Variants in PTPRD observed in about 807,000 individuals in gnomAD.
PTPRD encodes the protein receptor-type tyrosine-protein phosphatase delta.
Under a neutral mutation model 214.5 loss-of-function variants are expected in PTPRD, and 34 were observed. The observed-to-expected ratio is 0.16, with a 90% CI of 0.12 to 0.21. The LOEUF (loss-of-function observed/expected upper bound fraction) is 0.21, where lower values mean the gene tolerates loss of function less well. Among genes scored for constraint, PTPRD ranks in the 10% least tolerant of loss-of-function variants. PTPRD has a pLI of 1.00. For missense variants in PTPRD, 2,545 were observed against 2,398.7 expected (o/e 1.06, Z -1.27); for synonymous variants, 1,128 against 845.7 (o/e 1.33, Z -5.79).
At chr9:9,766,746 T>C (rs2098709810) in intron 6 of PTPRD, 64 bp downstream of exon 6, 1 of 152,474 alleles carries the variant, frequency 6.6e-6, no homozygotes, top group Non-Finnish European at 1.5e-5. Context: ...AATATAATTA[T>C]TGTCATAATA....
At chr9:8,717,288 A>T (rs2098447447) in intron 12 of PTPRD, among the ~76,000 whole-genome samples, 1 of 152,148 alleles carries the variant, frequency 6.6e-6, no homozygotes, top group Non-Finnish European at 1.5e-5. Flanking sequence ...GAAATACACA[A>T]AGTGTATCCT....
chr9:8,347,897 T>C (rs903849237), intron 39 of PTPRD, among the ~76,000 whole-genome samples: 1 of 152,182 alleles, frequency 6.6e-6, no homozygotes, highest in Admixed American at 6.5e-5. Context: ...TCCAGCATCC[T>C]GAATGGTGAG....
chr9:9,374,649 C>T (rs1261668526), intron 9 of PTPRD, among the ~76,000 whole-genome samples: 1 of 152,134 alleles, frequency 6.6e-6, no homozygotes, highest in African/African-American at 2.4e-5. Context: ...GGTTAAAACC[C>T]TCAATACGTT....
At chr9:9,779,019 A>C (rs560766064) in intron 5 of PTPRD, among the ~76,000 whole-genome samples, 1 of 149,630 alleles carries the variant, frequency 6.7e-6, no homozygotes, top group Non-Finnish European at 1.5e-5. Context: ...AGACCAGTGA[A>C]ACAGAATAGA....
intron 10 of PTPRD, among the ~76,000 whole-genome samples, chr9:9,039,751 A>G (rs2099633474): frequency 1.3e-5 from 2 of 152,182 alleles, no homozygotes; most frequent in Non-Finnish European, 2.9e-5. Context: ...TCCTGAGAAT[A>G]TTTTGTACTG....
intron 2 of PTPRD, among the ~76,000 whole-genome samples, chr9:10,354,691 G>A (rs1026184461): frequency 6.6e-6 from 1 of 152,076 alleles, no homozygotes; most frequent in East Asian, 1.9e-4. Context: ...GATTATATGA[G>A]GACACTGATG....
intron 9 of PTPRD, among the ~76,000 whole-genome samples, chr9:9,286,944 G>T (rs117824057): frequency 0.098 from 10,936 of 111,752 alleles, 844 homozygotes; most frequent in Middle Eastern, 0.2. Flanking sequence ...ATTTGTCTTT[G>T]GCTGGGCATA....
intron 37 of PTPRD, among the ~76,000 whole-genome samples, chr9:8,378,348 G>A (rs949692054): frequency 6.6e-6 from 1 of 151,902 alleles, no homozygotes; most frequent in African/African-American, 2.4e-5. Context: ...TAAAACCCAG[G>A]TCACAGATGA....
chr9:8,412,435 T>C (rs377007423), intron 35 of PTPRD, among the ~76,000 whole-genome samples: 1 of 152,176 alleles, frequency 6.6e-6, no homozygotes, highest in Admixed American at 6.6e-5. Context: ...AATTCACAGC[T>C]GCATCCTTTC....
At chr9:9,594,440 G>A (rs2093076809) in intron 7 of PTPRD, among the ~76,000 whole-genome samples, 1 of 151,990 alleles carries the variant, frequency 6.6e-6, no homozygotes, top group Non-Finnish European at 1.5e-5. Flanking sequence ...ATCTTGAGTT[G>A]ATTTTTGCAT....
chr9:10,310,236 A>G (rs531911003), intron 3 of PTPRD, among the ~76,000 whole-genome samples: 1 of 152,222 alleles, frequency 6.6e-6, no homozygotes, highest in African/African-American at 2.4e-5. Context: ...ATGAGGAGAA[A>G]TGTATGTAGC....
chr9:10,347,409 CTT>C (rs201173966), intron 2 of PTPRD, among the ~76,000 whole-genome samples: 13 of 127,876 alleles, frequency 1.0e-4, no homozygotes, highest in Admixed American at 1.6e-4. Flanking sequence ...AGCTATTTGT[CTT>C]TTTTTTTTTT....
At chr9:9,928,394 C>T (rs962543583) in intron 5 of PTPRD, among the ~76,000 whole-genome samples, 33 of 152,080 alleles carry the variant, frequency 2.2e-4, no homozygotes, top group Admixed American at 2.0e-3. Flanking sequence ...ACTGAATTCC[C>T]TTTGTTATCA....
intron 10 of PTPRD, among the ~76,000 whole-genome samples, chr9:9,178,758 T>C (rs78841146): frequency 0.024 from 3,590 of 152,196 alleles, 163 homozygotes; most frequent in African/African-American, 0.083. Context: ...ATGCTGTATA[T>C]ATAGTATAAA....
chr9:8,388,886 C>A (rs1376606217), intron 37 of PTPRD, among the ~76,000 whole-genome samples: 1 of 152,082 alleles, frequency 6.6e-6, no homozygotes, highest in Non-Finnish European at 1.5e-5. Flanking sequence ...GGGATTCTCC[C>A]CAAAGCCCGT....
chr9:8,521,298 T>C lies in PTPRD; in HGVS notation c.940A>G (p.Ile314Val), dbSNP rs1173876390. The stretch of plus-strand genomic sequence containing the variant: ...ATACCTTTGACAGTGATCTGTGCTA[T>C]TGCTTCAATGACACCCAGTGTTGAC... ...AMSTLGVIEA[I>V]AQITVKALPK... is the part of the protein sequence containing the mutation. The change falls in exon 20 of 46, where the codon ATA becomes GTA. Residue 314 changes from isoleucine (I) to valine (V), a missense_variant. By Grantham distance (29) the Ile-to-Val change is conservative. Transcript: ENST00000381196. 6.2e-6 allele frequency: 10 copies of C among 1,613,566 alleles called. No individual in the cohort carries two copies. The highest frequency in any genetic ancestry group is 1.6e-4 in the Middle Eastern group (1 of 6,074).
intron 10 of PTPRD, among the ~76,000 whole-genome samples, chr9:9,041,107 T>C (rs1590315421): frequency 3.9e-5 from 6 of 152,160 alleles, no homozygotes; most frequent in Admixed American, 3.9e-4. Flanking sequence ...TATTTGCTGA[T>C]GTATTATATT....
At chr9:9,603,536 G>A (rs1288003641) in intron 7 of PTPRD, among the ~76,000 whole-genome samples, 2 of 152,138 alleles carry the variant, frequency 1.3e-5, no homozygotes, top group Non-Finnish European at 1.5e-5. Flanking sequence ...TGAGCAGCAG[G>A]CAAGCAAGCA....
At chr9:8,794,043 G>T (rs961541054) in intron 11 of PTPRD, among the ~76,000 whole-genome samples, 4 of 152,192 alleles carry the variant, frequency 2.6e-5, no homozygotes, top group Admixed American at 1.3e-4. Flanking sequence ...CTTGACTGCA[G>T]TTGTCACATT....
Sources: gnomAD v4.1 joint callset for allele counts (sites outside exome capture counted in the v4.1 genomes callset) on GRCh38, gnomAD v4.1.1 for gene constraint, MANE v1.5 for transcripts, NCBI Gene and HGNC (gene_info 2026-07-23, HGNC 2026-07-21) for gene names.